The following SDHAF3 variants were observed in gnomAD, a reference collection of about 807,000 sequenced individuals.
The protein encoded by SDHAF3 is succinate dehydrogenase assembly factor 3, mitochondrial.
Under a neutral mutation model 11.5 loss-of-function variants are expected in SDHAF3, and 18 were observed. That is an observed-to-expected ratio of 1.56 (90% CI 1.08 to 2.32). The LOEUF (loss-of-function observed/expected upper bound fraction) is 2.32, where lower values mean the gene tolerates loss of function less well. Among genes scored for constraint, SDHAF3 ranks in the 30% most tolerant of loss-of-function variants. The pLI is 0.00. For synonymous variants in SDHAF3, 72 were observed against 59.3 expected (o/e 1.21, Z -0.99); for missense variants, 200 against 154.4 (o/e 1.30, Z -1.57).
At chr7:97,149,955 A>G (rs980411901) in intron 1 of SDHAF3, among the ~76,000 whole-genome samples, 1 of 152,204 alleles carries the variant, frequency 6.6e-6, no homozygotes, top group African/African-American at 2.4e-5. Flanking sequence ...AGTTTATGTA[A>G]TATTCTAAAT....
At position 97,151,554 on chromosome 7, in the gene SDHAF3, A is replaced by G. The variant is rs889493237; in HGVS notation, c.175-29458A>G. On this transcript the variant is annotated intron_variant, in intron 1 of 1. Coordinates refer to ENST00000432641, the MANE Select transcript of SDHAF3 (RefSeq NM_020186.3). Reference sequence around the variant, plus strand: ...CCCTCTGTCCCCCAGGCTGGAGTGCAGTGGCACAATCTCCGCTCACTGCAA... The same window carrying G: ...CCCTCTGTCCCCCAGGCTGGAGTGCGGTGGCACAATCTCCGCTCACTGCAA... Among the ~76,000 whole-genome samples the G allele has an allele frequency of 2.7e-5, 4 of 148,034 alleles. No individual in the cohort carries two copies. The Admixed American group carries it at 2.7e-4, about 10-fold the overall frequency.
At chr7:97,143,781 A>G (rs906648761) in intron 1 of SDHAF3, among the ~76,000 whole-genome samples, 17 of 152,222 alleles carry the variant, frequency 1.1e-4, no homozygotes, top group Middle Eastern at 3.4e-3. Context: ...TTGTGCTGCT[A>G]TAAACATGCA....
At chr7:97,170,874 T>C (rs979565673) in intron 1 of SDHAF3, among the ~76,000 whole-genome samples, 2 of 152,196 alleles carry the variant, frequency 1.3e-5, no homozygotes, top group African/African-American at 4.8e-5. Flanking sequence ...CAAAGAGTTA[T>C]ATATTACAAG....
chr7:97,126,357 C>T (rs139773119), intron 1 of SDHAF3, among the ~76,000 whole-genome samples: 4 of 152,336 alleles, frequency 2.6e-5, no homozygotes, highest in African/African-American at 4.8e-5. Flanking sequence ...TGTCAGCATC[C>T]GCTGCTCTCT....
intron 1 of SDHAF3, among the ~76,000 whole-genome samples, chr7:97,163,683 A>G (rs1789452580): frequency 6.6e-6 from 1 of 152,082 alleles, no homozygotes; most frequent in African/African-American, 2.4e-5. Flanking sequence ...TGTGAATTTG[A>G]TCCTGTCATT....
chr7:97,130,212 CA>C (rs1791645791), intron 1 of SDHAF3, among the ~76,000 whole-genome samples: 2 of 149,802 alleles, frequency 1.3e-5, no homozygotes, highest in Admixed American at 1.3e-4. Context: ...AAGGTGGTTG[CA>C]GTGAGCCCAC....
chr7:97,169,982 T>A (rs1307453162), intron 1 of SDHAF3, among the ~76,000 whole-genome samples: 1 of 152,196 alleles, frequency 6.6e-6, no homozygotes, highest in Admixed American at 6.6e-5. Flanking sequence ...TCTTATCTAA[T>A]TGGATCATTG....
intron 1 of SDHAF3, among the ~76,000 whole-genome samples, chr7:97,180,262 G>T (rs1323990749): frequency 1.3e-5 from 2 of 152,174 alleles, no homozygotes; most frequent in Non-Finnish European, 2.9e-5. Context: ...AGACTCACTT[G>T]AAGATGTGTT....
At chr7:97,160,142 C>T (rs541697005) in intron 1 of SDHAF3, among the ~76,000 whole-genome samples, 66 of 148,234 alleles carry the variant, frequency 4.5e-4, no homozygotes, top group African/African-American at 1.5e-3. Flanking sequence ...TCTGCCCGGC[C>T]GCCCCGTCTG....
chr7:97,181,136 A>C lies in SDHAF3; in HGVS notation c.299A>C (p.Gln100Pro), dbSNP rs1789767459. 7.4e-6 allele frequency: 12 copies of C among 1,613,950 alleles called. No homozygotes were observed. The highest frequency in any genetic ancestry group is 9.3e-6 in the Non-Finnish European group (11 of 1,179,954). ...LNDFRDEQIGQLQELMQEATK... is the reference protein window; with the variant it reads ...LNDFRDEQIGPLQELMQEATK... ...GACTTTCGTGATGAACAAATTGGAC[A>C]GTTGCAGGAGCTGATGCAAGAAGCC... Residue 100 changes from glutamine to proline, a missense_variant, in exon 2 of 2, where the codon CAG becomes CCG. Transcript: ENST00000432641.
chr7:97,137,951 C>T (rs1212228133), intron 1 of SDHAF3, among the ~76,000 whole-genome samples: 1 of 145,742 alleles, frequency 6.9e-6, no homozygotes, highest in Admixed American at 7.1e-5. Flanking sequence ...TGGCTCACCA[C>T]AACCTCCATC....
intron 1 of SDHAF3, among the ~76,000 whole-genome samples, chr7:97,148,911 A>G (rs925563878): frequency 6.6e-6 from 1 of 151,680 alleles, no homozygotes; most frequent in Non-Finnish European, 1.5e-5. Flanking sequence ...ATTCTGATGC[A>G]CAATCAGTAG....
chr7:97,162,215 G>A (rs564354441), intron 1 of SDHAF3, among the ~76,000 whole-genome samples: 12 of 152,124 alleles, frequency 7.9e-5, no homozygotes, highest in East Asian at 3.9e-4. Context: ...TATGTTGGCC[G>A]CATAAATGTC....
At chr7:97,170,862 A>G (rs1185719815) in intron 1 of SDHAF3, among the ~76,000 whole-genome samples, 1 of 152,152 alleles carries the variant, frequency 6.6e-6, no homozygotes, top group African/African-American at 2.4e-5. Flanking sequence ...CACTCTGTAT[A>G]TCAAAGAGTT....
intron 1 of SDHAF3, among the ~76,000 whole-genome samples, chr7:97,161,155 G>C (rs190745015): frequency 6.6e-6 from 1 of 152,166 alleles, no homozygotes; most frequent in Non-Finnish European, 1.5e-5. Flanking sequence ...ACAGTGTACT[G>C]TGTTGCCAGT....
chr7:97,165,295 T>C (rs1789483965), intron 1 of SDHAF3, among the ~76,000 whole-genome samples: 1 of 147,948 alleles, frequency 6.8e-6, no homozygotes, highest in African/African-American at 2.5e-5. Context: ...TCAAAGAAAA[T>C]ATAAAATAAA....
chr7:97,135,934 G>C (rs904940411), intron 1 of SDHAF3, among the ~76,000 whole-genome samples: 1 of 151,674 alleles, frequency 6.6e-6, no homozygotes, highest in African/African-American at 2.4e-5. Flanking sequence ...TGATCCGCCC[G>C]CCTCGGCCTC....
intron 1 of SDHAF3, among the ~76,000 whole-genome samples, chr7:97,175,494 G>A (rs2115748682): frequency 6.6e-6 from 1 of 152,304 alleles, no homozygotes; most frequent in South Asian, 2.1e-4. Flanking sequence ...TTACAAGTGA[G>A]AATGTGTGAT....
At position 97,141,874 on chromosome 7, in the gene SDHAF3, C is replaced by G. The variant is rs1379404436; in HGVS notation, c.174+23977C>G. On this transcript the variant is annotated intron_variant, in intron 1 of 1. Transcript: ENST00000432641. Reference sequence around the variant, plus strand: ...GTTCATTGAGAACAAAAACAATGTTCTACTTATCTTTGTAAAATTAATGGG... The same window carrying G: ...GTTCATTGAGAACAAAAACAATGTTGTACTTATCTTTGTAAAATTAATGGG... Among the ~76,000 whole-genome samples, 6 of 151,982 alleles carry G rather than the reference C, an allele frequency of 3.9e-5. No individual in the cohort carries two copies. The East Asian group carries it at 9.6e-4, about 24-fold the overall frequency.
Sources: gnomAD v4.1 joint callset for allele counts (sites outside exome capture counted in the v4.1 genomes callset) on GRCh38, gnomAD v4.1.1 for gene constraint, MANE v1.5 for transcripts, NCBI Gene and HGNC (gene_info 2026-07-23, HGNC 2026-07-21) for gene names.